Variants in SPNS3 observed in about 807,000 individuals in gnomAD.
SPNS3 encodes protein spinster homolog 3.
SPNS3 carries 51 observed loss-of-function variants against 54.4 expected under a neutral mutation model. The ratio of observed to expected loss-of-function variants is 0.94; its 90% CI spans 0.75 to 1.18. The LOEUF (loss-of-function observed/expected upper bound fraction) is 1.18. Among genes scored for constraint, SPNS3 ranks in the 50% most tolerant of loss-of-function variants. The pLI is 0.00. For synonymous variants in SPNS3, 309 were observed against 294.7 expected (o/e 1.05, Z -0.50); for missense variants, 669 against 677.4 (o/e 0.99, Z 0.14).
At chr17:4,462,768 T>C (rs1423818565) in intron 8 of SPNS3, among the ~76,000 whole-genome samples, 2 of 90,154 alleles carry the variant, frequency 2.2e-5, no homozygotes, top group African/African-American at 6.0e-5. Context: ...CATCCATCCA[T>C]CCATCCATCC....
rs1971421994 is a variant in SPNS3, at chr17:4,458,979, G to A, written c.1113+5774G>A. 2.0e-5 allele frequency among the ~76,000 whole-genome samples: 3 copies of A among 151,946 alleles called. No individual in the cohort carries two copies. In the South Asian group the frequency reaches 6.2e-4, roughly 32 times the overall value. On this transcript the variant is annotated intron_variant, in intron 8 of 11. Transcript: ENST00000355530. ...AGCCTTATTCCTCCACTGAAGTCCT[G>A]CCACGCAGGTCCCCTCTTGATTCCC...
intron 8 of SPNS3, among the ~76,000 whole-genome samples, chr17:4,474,073 C>T (rs1027207842): frequency 2.0e-5 from 3 of 152,238 alleles, no homozygotes; most frequent in Admixed American, 6.5e-5. Flanking sequence ...GAGGGCCCCA[C>T]CTCTCTGCCA....
At chr17:4,460,607 A>ATT (rs60134022) in intron 8 of SPNS3, among the ~76,000 whole-genome samples, 61 of 121,668 alleles carry the variant, frequency 5.0e-4, no homozygotes, top group African/African-American at 8.9e-4. Flanking sequence ...AATTTTTTGT[A>ATT]TTTTTTTTTT....
At chr17:4,470,327 G>A (rs2144163626) in intron 8 of SPNS3, among the ~76,000 whole-genome samples, 1 of 152,234 alleles carries the variant, frequency 6.6e-6, no homozygotes, top group African/African-American at 2.4e-5. Context: ...TACTTGGGAG[G>A]CTGAGGCTGA....
chr17:4,440,743 G>A (rs1324850761), intron 2 of SPNS3, among the ~76,000 whole-genome samples: 7 of 152,090 alleles, frequency 4.6e-5, no homozygotes, highest in African/African-American at 7.2e-5. Context: ...GTGGATGCTC[G>A]GCTTTTCCCA....
chr17:4,449,760 G>A (rs150704929), intron 7 of SPNS3, among the ~76,000 whole-genome samples: 260 of 152,178 alleles, frequency 1.7e-3, no homozygotes, highest in Admixed American at 5.4e-3. Context: ...TCTTCTGTGA[G>A]GGCATCCCAT....
In SPNS3 at chr17:4,487,263, G is replaced by A. The variant is rs566846323; in HGVS notation, c.1451-543G>A. Reference sequence around the variant, plus strand: ...ACTAGAGCAAAGATCTGGAGGAAACGAGGGAGTGAGCCGTTCAGCGACCTG... The same window carrying A: ...ACTAGAGCAAAGATCTGGAGGAAACAAGGGAGTGAGCCGTTCAGCGACCTG... On this transcript the variant is annotated intron_variant, in intron 11 of 11. Transcript: ENST00000355530. Among the ~76,000 whole-genome samples, 9 of 151,990 alleles carry A rather than the reference G, an allele frequency of 5.9e-5. No individual in the cohort carries two copies. In the East Asian group the frequency reaches 9.7e-4, roughly 16 times the overall value.
intron 2 of SPNS3, among the ~76,000 whole-genome samples, chr17:4,440,215 G>C (rs1486268162): frequency 6.6e-6 from 1 of 152,204 alleles, no homozygotes; most frequent in Non-Finnish European, 1.5e-5. Context: ...GCAGGGAGCA[G>C]CCACACGTCC....
rs117479632 is a variant in SPNS3, at chr17:4,453,785, G to T, written c.1113+580G>T. The stretch of plus-strand genomic sequence containing the variant: ...TCATTTATTGCCAGGGCATATTGTG[G>T]GCCCAAGAAGAAATAGAGCAATTCT... On this transcript the variant is annotated intron_variant, in intron 8 of 11. Coordinates refer to ENST00000355530, the MANE Select transcript of SPNS3 (RefSeq NM_182538.5). Among the ~76,000 whole-genome samples the T allele has an allele frequency of 4.2e-3, 636 of 152,250 alleles. 9 individuals are homozygous for T. The highest frequency in any genetic ancestry group is 0.013 in the African/African-American group (545 of 41,544).
intron 9 of SPNS3, among the ~76,000 whole-genome samples, chr17:4,479,351 C>T (rs1354952612): frequency 6.6e-6 from 1 of 152,242 alleles, no homozygotes; most frequent in Admixed American, 6.5e-5. Context: ...CCACTGAGGC[C>T]CATTGTGCCA....
intron 8 of SPNS3, 80 bp from the exon 9 acceptor site, chr17:4,478,492 C>T (rs1972070506): frequency 9.2e-6 from 12 of 1,308,752 alleles, no homozygotes; most frequent in Non-Finnish European, 1.3e-5. Flanking sequence ...CCAGTCTCTC[C>T]TCTCCACAGG....
At chr17:4,487,104 G>A (rs985564732) in intron 11 of SPNS3, among the ~76,000 whole-genome samples, 4 of 150,802 alleles carry the variant, frequency 2.7e-5, no homozygotes, top group Admixed American at 1.3e-4. Context: ...CCCGGGAGGC[G>A]GAGGCTATAG....
chr17:4,438,082 C>T (rs118180567), intron 1 of SPNS3, among the ~76,000 whole-genome samples: 333 of 152,328 alleles, frequency 2.2e-3, no homozygotes, highest in Non-Finnish European at 3.6e-3. Context: ...CCACCACGTC[C>T]CTCCCTGAGC....
In SPNS3 at chr17:4,439,675, C is replaced by T. The variant is rs761867414; in HGVS notation, c.217C>T (p.Gln73Ter). 3.1e-6 allele frequency: 5 copies of T among 1,613,416 alleles called. No individual in the cohort carries two copies. The highest frequency in any genetic ancestry group is 1.1e-5 in the South Asian group (1 of 90,812). The stretch of plus-strand genomic sequence containing the variant: ...GTCTGCAGGAGTGCTGCTGGATATA[C>T]AGGAGGTTTTCCAGATCAGTGACAA... Reference protein sequence around the residue: ...FIIAGVLLDIQEVFQISDNHA... With the variant: ...FIIAGVLLDI Residue 73 changes from glutamine (Q) to a stop codon, truncating the protein, a stop_gained, in exon 2 of 12, where the codon CAG becomes TAG. Coordinates refer to ENST00000355530, the MANE Select transcript of SPNS3 (RefSeq NM_182538.5). LOFTEE classifies it high-confidence loss of function.
chr17:4,471,756 G>A (rs917149718), intron 8 of SPNS3, among the ~76,000 whole-genome samples: 1 of 152,160 alleles, frequency 6.6e-6, no homozygotes, highest in Admixed American at 6.6e-5. Flanking sequence ...ATGTACCACT[G>A]TGCCCGGTCT....
Position 4,446,523 on chromosome 17 carries a change from G to A in SPNS3, c.554+324G>A, listed in dbSNP as rs192820916. 27 of 497,814 alleles carry A rather than the reference G, an allele frequency of 5.4e-5. No homozygotes were observed. The Admixed American group carries it at 6.5e-4, about 12-fold the overall frequency. The allele number at this position is 497,814 out of a possible 1,614,324, so 30.8% of individuals were successfully genotyped here. On this transcript the variant is annotated intron_variant, in intron 4 of 11. Coordinates refer to ENST00000355530, the MANE Select transcript of SPNS3 (RefSeq NM_182538.5). ...AAGGTGAGGAAGCGTGTTAGGGCCA[G>A]GCCCTGCACCCCACAACAGGCTAGG... is the stretch of plus-strand genomic sequence containing the variant.
intron 8 of SPNS3, among the ~76,000 whole-genome samples, chr17:4,464,855 A>G (rs1971636365): frequency 6.6e-6 from 1 of 151,758 alleles, no homozygotes; most frequent in Non-Finnish European, 1.5e-5. Context: ...GACTTTTGGT[A>G]TTTTTAGTAG....
chr17:4,439,097 G>T (rs117535725), intron 1 of SPNS3, among the ~76,000 whole-genome samples: 8,699 of 152,032 alleles, frequency 0.057, 310 homozygotes, highest in Non-Finnish European at 0.08. Flanking sequence ...GAATGTCTGT[G>T]CCTTTGGGAT....
At chr17:4,450,037 C>T (rs773546420) in intron 7 of SPNS3, among the ~76,000 whole-genome samples, 2 of 151,630 alleles carry the variant, frequency 1.3e-5, no homozygotes, top group Non-Finnish European at 2.9e-5. Flanking sequence ...TCTCCTCCTC[C>T]TCCTGGAACC....
Sources: gnomAD v4.1 joint callset for allele counts (sites outside exome capture counted in the v4.1 genomes callset) on GRCh38, gnomAD v4.1.1 for gene constraint, MANE v1.5 for transcripts, NCBI Gene and HGNC (gene_info 2026-07-23, HGNC 2026-07-21) for gene names.